Variants in ZC4H2 observed in about 807,000 individuals in gnomAD.
ZC4H2 encodes the protein zinc finger C4H2 domain-containing protein.
For missense variants in ZC4H2, 137 were observed against 173.9 expected (o/e 0.79, Z 1.19); for synonymous variants, 84 against 66.3 (o/e 1.27, Z -1.30).
At chrX:64,979,985 G>A (rs1177815795), upstream of ZC4H2, among the ~76,000 whole-genome samples, 1 of 111,900 alleles carries the variant, frequency 8.9e-6, no homozygotes, top group African/African-American at 3.3e-5. Context: ...ATGGAGGCCA[G>A]AATATTGAAT....
intron 1 of ZC4H2, among the ~76,000 whole-genome samples, chrX:65,033,341 A>G (rs894758329): frequency 2.7e-5 from 3 of 112,206 alleles, no homozygotes; most frequent in Non-Finnish European, 5.6e-5. Flanking sequence ...CTCAGTGTCA[A>G]TATTTTAAAA....
chrX:64,959,424 C>T (rs1309048190), intron 1 of ZC4H2, among the ~76,000 whole-genome samples: 1 of 99,926 alleles, frequency 1.0e-5, no homozygotes, highest in East Asian at 3.1e-4. Context: ...ATGTAAGGTA[C>T]ACATTATTTT....
chrX:64,931,031 C>A (rs1022790538), intron 1 of ZC4H2, among the ~76,000 whole-genome samples: 1 of 111,727 alleles, frequency 9.0e-6, no homozygotes, highest in Admixed American at 9.5e-5. Context: ...CAGTTTCAAT[C>A]TTGCTTTTTG....
intron 1 of ZC4H2, among the ~76,000 whole-genome samples, chrX:65,015,917 C>A (rs1399416987): frequency 3.6e-5 from 4 of 110,610 alleles, no homozygotes; most frequent in Non-Finnish European, 7.6e-5. Flanking sequence ...AACACATTCC[C>A]CTCTATTATG....
At chrX:64,985,349 G>T (rs1393979753) in intron 1 of ZC4H2, among the ~76,000 whole-genome samples, 1 of 111,545 alleles carries the variant, frequency 9.0e-6, no homozygotes, top group Non-Finnish European at 1.9e-5. Flanking sequence ...TCCAACATCT[G>T]TTGTTTTTTG....
intron 1 of ZC4H2, among the ~76,000 whole-genome samples, chrX:64,948,926 A>G (rs1191874392): frequency 8.9e-6 from 1 of 112,169 alleles, no homozygotes; most frequent in African/African-American, 3.2e-5. Context: ...AATATTGTAA[A>G]ACAAATTTTG....
Position 64,961,447 on chromosome X carries a change from C to T in ZC4H2, c.53+14878G>A, listed in dbSNP as rs182306272. On this transcript the variant is annotated intron_variant, in intron 1 of 4. Coordinates refer to ENST00000374839, the MANE Select transcript of ZC4H2 (RefSeq NM_018684.4). ...TTATTTGAATCTTTTTTATTTCTGCCATGCCTCTACTTGGTCAGTTTTTCC... is the reference window on the plus strand; with the variant it reads ...TTATTTGAATCTTTTTTATTTCTGCTATGCCTCTACTTGGTCAGTTTTTCC... 3.9e-3 allele frequency among the ~76,000 whole-genome samples: 427 copies of T among 110,280 alleles called. 1 individual carries two copies. The highest frequency in any genetic ancestry group is 0.013 in the African/African-American group (409 of 30,500).
intron 1 of ZC4H2, among the ~76,000 whole-genome samples, chrX:64,957,707 T>A (rs1931210340): frequency 9.2e-6 from 1 of 108,239 alleles, no homozygotes; most frequent in African/African-American, 3.4e-5. Context: ...TAAAAAAATA[T>A]ATAAATTAGC....
intron 1 of ZC4H2, among the ~76,000 whole-genome samples, chrX:65,023,099 T>C (rs775140961): frequency 2.0e-4 from 22 of 111,721 alleles, no homozygotes; most frequent in Non-Finnish European, 3.8e-4. Flanking sequence ...GCATAATGCC[T>C]CCAGTTTTGT....
intron 1 of ZC4H2, among the ~76,000 whole-genome samples, chrX:64,938,918 G>A (rs1454708301): frequency 1.8e-5 from 2 of 112,048 alleles, no homozygotes; most frequent in Non-Finnish European, 3.8e-5. Flanking sequence ...ATTCCACATA[G>A]TATTGGAATT....
chrX:65,029,246 T>C (rs1195380432), intron 1 of ZC4H2, among the ~76,000 whole-genome samples: 2 of 111,981 alleles, frequency 1.8e-5, no homozygotes, highest in Non-Finnish European at 1.9e-5. Flanking sequence ...ATCAATACTA[T>C]CATATGTAGC....
chrX:64,983,914 G>A (rs775537216), intron 1 of ZC4H2, among the ~76,000 whole-genome samples: 17 of 111,751 alleles, frequency 1.5e-4, no homozygotes, highest in African/African-American at 4.2e-4. Flanking sequence ...ACTTCAACAC[G>A]TTTATTAGTA....
At chrX:64,963,833 T>C (rs1374581436) in intron 1 of ZC4H2, among the ~76,000 whole-genome samples, 1 of 111,312 alleles carries the variant, frequency 9.0e-6, no homozygotes, top group Admixed American at 9.6e-5. Flanking sequence ...GAATTAACAA[T>C]GTAGTATATT....
upstream of ZC4H2, among the ~76,000 whole-genome samples, chrX:64,978,358 A>G (rs907651465): frequency 4.5e-5 from 5 of 111,951 alleles, no homozygotes; most frequent in African/African-American, 9.8e-5. Flanking sequence ...ACATTTTCCT[A>G]TTGTCTTGAA....
At position 64,927,135 on chromosome X, in the gene ZC4H2, C is replaced by CT. The variant is rs971450996; in HGVS notation, c.54-5148dup. 7.2e-5 allele frequency among the ~76,000 whole-genome samples: 8 copies of CT among 110,606 alleles called. No individual in the cohort carries two copies. In the South Asian group the frequency reaches 1.1e-3, roughly 16 times the overall value. On this transcript the variant is annotated intron_variant, in intron 1 of 4. Transcript: ENST00000374839. Reference sequence around the variant, plus strand: ...AGTCCAATTTATCAAATTTTTCTTTCTTTTTTTTATTATTATACTTTAAGT... The same window carrying CT: ...AGTCCAATTTATCAAATTTTTCTTTCTTTTTTTTTATTATTATACTTTAAGT...
intron 1 of ZC4H2, among the ~76,000 whole-genome samples, chrX:64,968,066 T>C (rs1931649659): frequency 8.9e-6 from 1 of 111,935 alleles, no homozygotes; most frequent in Non-Finnish European, 1.9e-5. Context: ...ATTAAGAATC[T>C]ATCTAAGTGA....
At chrX:65,020,162 A>G (rs1177217467) in intron 1 of ZC4H2, among the ~76,000 whole-genome samples, 3 of 112,098 alleles carry the variant, frequency 2.7e-5, no homozygotes, top group Non-Finnish European at 5.6e-5. Flanking sequence ...GCAGGCCAAC[A>G]TTCAAATTCG....
At chrX:64,942,653 A>C (rs948763098) in intron 1 of ZC4H2, among the ~76,000 whole-genome samples, 49 of 111,227 alleles carry the variant, frequency 4.4e-4, no homozygotes, top group African/African-American at 1.5e-3. Context: ...TATGCAAGGG[A>C]CATGAACTCC....
At chrX:64,975,306 G>T (rs1327740763) in intron 1 of ZC4H2, among the ~76,000 whole-genome samples, 2 of 111,412 alleles carry the variant, frequency 1.8e-5, no homozygotes, top group African/African-American at 3.3e-5. Context: ...TCAAGAAGAA[G>T]AAGAAACCAA....
Sources: allele counts gnomAD v4.1 joint callset (sites outside exome capture counted in the v4.1 genomes callset), GRCh38; gene constraint gnomAD v4.1.1; transcripts MANE v1.5; gene names NCBI Gene and HGNC (gene_info 2026-07-23, HGNC 2026-07-21).